The following FZR1 variants were observed in gnomAD, a reference collection of about 807,000 sequenced individuals.
The protein encoded by FZR1 is fizzy and cell division cycle 20 related 1, also known as fizzy-related protein homolog.
In FZR1, 11 loss-of-function variants were observed where a neutral mutation model predicts 63.6. The observed-to-expected ratio is 0.17, with a 90% CI of 0.11 to 0.29. The LOEUF is 0.29. Among genes scored for constraint, FZR1 ranks in the 10% least tolerant of loss-of-function variants. The probability of loss-of-function intolerance (pLI) is 1.00; values close to 1 mark genes in which losing one functional copy is unlikely to be tolerated. For synonymous variants in FZR1, 328 were observed against 297.9 expected (o/e 1.10, Z -1.04); for missense variants, 440 against 687.5 (o/e 0.64, Z 4.03).
chr19:3,513,243 G>A (rs1465699224), intron 1 of FZR1, among the ~76,000 whole-genome samples: 2 of 152,096 alleles, frequency 1.3e-5, no homozygotes, highest in Non-Finnish European at 2.9e-5. Flanking sequence ...ACCTGTGAGG[G>A]GCTGTGTCCC....
rs77832322 is a variant in FZR1 at position 3,516,436 on chromosome 19, A to G, written c.-34-6520A>G. 6.9e-3 allele frequency among the ~76,000 whole-genome samples: 1,045 copies of G among 151,980 alleles called. 13 individuals carry two copies. Among genetic ancestry groups the G allele is most frequent in the African/African-American group, 0.024 (986 of 41,426 alleles). On this transcript the variant is annotated intron_variant, in intron 1 of 13. Transcript: ENST00000441788. The surrounding 1 kb of genome is among the most constrained non-coding windows in gnomAD (Gnocchi z 6.0). ...GGTGTGTCTGCCCTGCGGACTCCCA[A>G]TTTTCCCGGTGTTGAATTCCACAGC...
intron 7 of FZR1, 144 bp downstream of exon 7, chr19:3,527,958 GC>G: frequency 1.7e-6 from 1 of 573,898 alleles, no homozygotes; most frequent in Non-Finnish European, 2.9e-6. Context: ...CAGCCTCCCA[GC>G]CACAGCCCTC....
At chr19:3,530,224 G>T (rs558711595) in intron 7 of FZR1, among the ~76,000 whole-genome samples, 1 of 138,872 alleles carries the variant, frequency 7.2e-6, no homozygotes, top group Admixed American at 7.1e-5. Context: ...GAGAGTGGAT[G>T]GGTGAGCGGA....
At position 3,537,946 on chromosome 19, in the gene FZR1, A is replaced by C. The variant is rs1429204915; in HGVS notation, c.*3110A>C. On this transcript the variant is annotated 3_prime_UTR_variant, in exon 14 of 14. Transcript: ENST00000441788. ...CATTTCAGCCAGGGCTGGAGAAGGC[A>C]GGGACGCCTGGGTGAGAGGCAAAGG... The C allele has an allele frequency of 6.5e-6, 1 of 152,684 alleles. No homozygotes were observed. The highest frequency in any genetic ancestry group is 1.9e-4 in the East Asian group (1 of 5,196). The allele number at this position is 152,684 out of a possible 1,614,324, so 9.5% of individuals were successfully genotyped here. A position where few individuals can be genotyped will look rare whatever the true frequency, so the allele number is the denominator to read the frequency against.
chr19:3,530,969 C>T, intron 8 of FZR1, 112 bp downstream of exon 8: 1 of 734,568 alleles, frequency 1.4e-6, no homozygotes, highest in Non-Finnish European at 2.3e-6. Context: ...CGCCTGTGTC[C>T]AAGCATAGGT....
At chr19:3,534,269 T>C in intron 12 of FZR1, 152 bp from the exon 13 acceptor site, 2 of 487,872 alleles carry the variant, frequency 4.1e-6, no homozygotes, top group Non-Finnish European at 3.6e-6. Context: ...TGGTTTCTGC[T>C]TGTGGTGGCC....
rs1165456276 is a variant in FZR1 at position 3,533,568 on chromosome 19, G to C, written c.1347+170G>C. On this transcript the variant is annotated intron_variant, in intron 12 of 13. Coordinates refer to ENST00000441788, the MANE Select transcript of FZR1 (RefSeq NM_016263.4). The surrounding 1 kb of genome is among the most constrained non-coding windows in gnomAD (Gnocchi z 4.9). ...GCATCTGGTGCTGGTTGTGTTGCCA[G>C]CGTTGGAATGGGCTCTACCGAACTC... 9 of 597,354 alleles carry C rather than the reference G, an allele frequency of 1.5e-5. No homozygotes were observed. The highest frequency in any genetic ancestry group is 2.4e-5 in the Non-Finnish European group (8 of 331,370). The allele number at this position is 597,354 out of a possible 1,614,324, so 37.0% of individuals were successfully genotyped here.
intron 7 of FZR1, among the ~76,000 whole-genome samples, chr19:3,528,213 G>A (rs915844802): frequency 6.6e-6 from 1 of 152,272 alleles, no homozygotes; most frequent in Admixed American, 6.5e-5. Context: ...AGTGGCCGCT[G>A]TCCTGGAGTG....
At chr19:3,508,861 G>A (rs2083005011) in intron 1 of FZR1, among the ~76,000 whole-genome samples, 1 of 152,226 alleles carries the variant, frequency 6.6e-6, no homozygotes, top group African/African-American at 2.4e-5. Context: ...AAAGCAGCCT[G>A]TCCCCAATGT....
chr19:3,514,015 G>A lies in FZR1; in HGVS notation c.-35+7541G>A, dbSNP rs1350381019. On this transcript the variant is annotated intron_variant, in intron 1 of 13. Coordinates refer to ENST00000441788, the MANE Select transcript of FZR1 (RefSeq NM_016263.4). The surrounding 1 kb of genome is among the most constrained non-coding windows in gnomAD (Gnocchi z 4.2). ...CCCAGCCAAGCAAGGCGTTGCAGGA[G>A]TAGGAGCTTGGCTGAGCCTCCAGGA... Among the ~76,000 whole-genome samples the A allele has an allele frequency of 3.3e-5, 5 of 152,216 alleles. No individual in the cohort carries two copies. The highest frequency in any genetic ancestry group is 4.4e-5 in the Non-Finnish European group (3 of 68,024).
At chr19:3,509,176 C>T (rs1245724412) in intron 1 of FZR1, among the ~76,000 whole-genome samples, 1 of 152,260 alleles carries the variant, frequency 6.6e-6, no homozygotes, top group African/African-American at 2.4e-5. Flanking sequence ...TCCTGGGCCA[C>T]TTATGTTCTC....
intron 1 of FZR1, among the ~76,000 whole-genome samples, chr19:3,522,086 G>A (rs922485100): frequency 5.9e-5 from 9 of 152,306 alleles, no homozygotes; most frequent in African/African-American, 2.2e-4. Context: ...GTGACACAGG[G>A]AGACCTGTCT....
chr19:3,508,361 A>G (rs2083001251), intron 1 of FZR1, among the ~76,000 whole-genome samples: 1 of 151,612 alleles, frequency 6.6e-6, no homozygotes, highest in Non-Finnish European at 1.5e-5. Flanking sequence ...ACGCCCGGCT[A>G]TTTTTGTATT....
Position 3,515,918 on chromosome 19 carries a change from C to T in FZR1, c.-34-7038C>T, listed in dbSNP as rs2083055739. On this transcript the variant is annotated intron_variant, in intron 1 of 13. Transcript: ENST00000441788. This position sits in a 1 kb window ranked among gnomAD's most constrained non-coding sequence, Gnocchi z 4.6. ...AACCTTCTGGGAGCAGTGTGCTCTG[C>T]ATGGCCATTTTTCTGTGCAGTGGGT... Among the ~76,000 whole-genome samples the T allele has an allele frequency of 6.6e-6, 1 of 152,150 alleles. No homozygotes were observed.
rs1174704745 is a variant in FZR1, at chr19:3,522,606, C to T, written c.-34-350C>T. Among the ~76,000 whole-genome samples the T allele has an allele frequency of 3.9e-5, 6 of 152,314 alleles. No individual in the cohort carries two copies. The East Asian group carries it at 1.2e-3, about 29-fold the overall frequency. On this transcript the variant is annotated intron_variant, in intron 1 of 13. Coordinates refer to ENST00000441788, the MANE Select transcript of FZR1 (RefSeq NM_016263.4). ...CACACGCACGTGGGTCCCCATGGCT[C>T]CTCGGGACATGGAGGCTGCCCACGC...
Position 3,532,641 on chromosome 19 carries a change from C to T in FZR1, c.1233C>T (p.Ala411=), listed in dbSNP as rs754097332. 6.2e-7 allele frequency: 1 copy of T among 1,611,124 alleles called. No homozygotes were observed. The highest frequency in any genetic ancestry group is 8.5e-7 in the Non-Finnish European group (1 of 1,178,588). ...GCAATCTGGCCTGGTCCAAGCACGC[C>T]AACGAGCTGGTGAGCACGGGCGGCC... ...QVCNLAWSKH[A]NELVSTHGYS... Residue 411 remains alanine (A), a synonymous_variant, in exon 11 of 14, where the codon GCC becomes GCT. Coordinates refer to ENST00000441788, the MANE Select transcript of FZR1 (RefSeq NM_016263.4).
In FZR1 at chr19:3,534,418, C is replaced by T. The variant is rs1395565564; in HGVS notation, c.1348-3C>T. On this transcript the variant is annotated splice_region_variant and splice_polypyrimidine_tract_variant and intron_variant, in intron 12 of 13. Coordinates refer to ENST00000441788, the MANE Select transcript of FZR1 (RefSeq NM_016263.4). ...ACATGGGGTGCTTCCCTCCTGTCCA[C>T]AGGCAATGTCCCCTGATGGGGAGGC... The T allele has an allele frequency of 2.5e-6, 4 of 1,572,280 alleles. No homozygotes were observed. The highest frequency in any genetic ancestry group is 2.2e-5 in the East Asian group (1 of 44,456).
chr19:3,520,317 C>G (rs771590872), intron 1 of FZR1, among the ~76,000 whole-genome samples: 2 of 152,144 alleles, frequency 1.3e-5, no homozygotes, highest in Non-Finnish European at 2.9e-5. Context: ...GTGACATGAC[C>G]TGGCCCCAGT....
At position 3,534,496 on chromosome 19, in the gene FZR1, A is replaced by G; in HGVS notation, c.1423A>G (p.Lys475Glu). The G allele has an allele frequency of 6.2e-7, 1 of 1,608,160 alleles. No homozygotes were observed. Among genetic ancestry groups the G allele is most frequent in the Non-Finnish European group, 8.5e-7 (1 of 1,176,824 alleles). The change falls in exon 13 of 14, where the codon AAA becomes GAA. Residue 475 changes from lysine to glutamate, a missense_variant. Lys to Glu is a moderately conservative substitution (Grantham distance 56). Coordinates refer to ENST00000441788, the MANE Select transcript of FZR1 (RefSeq NM_016263.4). Reference sequence around the variant, plus strand: ...CCTGAGGTTCTGGAACGTCTTTAGCAAAACCCGTTCGACAAAGGTAAAGTG... The same window carrying G: ...CCTGAGGTTCTGGAACGTCTTTAGCGAAACCCGTTCGACAAAGGTAAAGTG... ...ETLRFWNVFS[K>E]TRSTKESVSV...
Sources: allele counts gnomAD v4.1 joint callset (sites outside exome capture counted in the v4.1 genomes callset), GRCh38; gene constraint gnomAD v4.1.1; non-coding constraint Gnocchi (gnomAD v3.1); transcripts MANE v1.5; gene names NCBI Gene and HGNC (gene_info 2026-07-23, HGNC 2026-07-21).